BTRC: variants seen among roughly 807,000 people sequenced by gnomAD.
BTRC encodes the protein beta-transducin repeat containing E3 ubiquitin protein ligase.
In BTRC, 42 loss-of-function variants were observed where a neutral mutation model predicts 85.5. The ratio of observed to expected loss-of-function variants is 0.49; its 90% CI spans 0.38 to 0.64. The LOEUF (loss-of-function observed/expected upper bound fraction) is 0.64. Among genes scored for constraint, BTRC ranks in the 30% least tolerant of loss-of-function variants. The probability of loss-of-function intolerance (pLI) is 0.00; values close to 1 mark genes in which losing one functional copy is unlikely to be tolerated. For synonymous variants in BTRC, 255 were observed against 263.3 expected, an observed-to-expected ratio of 0.97 and a Z score of 0.30; for missense variants, 594 against 743.5, an observed-to-expected ratio of 0.80 and a Z score of 2.34.
intron 1 of BTRC, among the ~76,000 whole-genome samples, chr10:101,378,809 G>T (rs1942857596): frequency 6.9e-6 from 1 of 145,006 alleles, no homozygotes; most frequent in South Asian, 2.2e-4. Flanking sequence ...GAACCACTGT[G>T]CCCAGCCCCA....
In BTRC at chr10:101,484,629, T is replaced by G. The variant is rs548031322; in HGVS notation, c.324+5172T>G. Reference sequence around the variant, plus strand: ...CTTCTTTAAGATACTGTTCCACAAGTAGCATGTCATATGGTCCGTTCTTCA... The same window carrying G: ...CTTCTTTAAGATACTGTTCCACAAGGAGCATGTCATATGGTCCGTTCTTCA... On this transcript the variant is annotated intron_variant, in intron 4 of 14. Transcript: ENST00000370187. 8.5e-5 allele frequency among the ~76,000 whole-genome samples: 13 copies of G among 152,312 alleles called. No individual in the cohort carries two copies. The South Asian group carries it at 2.7e-3, about 32-fold the overall frequency.
chr10:101,532,792 G>A (rs908113355), intron 8 of BTRC, among the ~76,000 whole-genome samples, 160 bp from the exon 9 acceptor site: 5 of 76,354 alleles, frequency 6.5e-5, no homozygotes, highest in African/African-American at 9.0e-5. Context: ...GTGTGTGTGC[G>A]CGTGTGCGCG....
At chr10:101,395,276 G>A (rs1017158115) in intron 1 of BTRC, among the ~76,000 whole-genome samples, 9 of 152,138 alleles carry the variant, frequency 5.9e-5, no homozygotes, top group African/African-American at 2.2e-4. Flanking sequence ...TTTAATTTTC[G>A]TGTGAGAGTC....
intron 13 of BTRC, among the ~76,000 whole-genome samples, chr10:101,541,375 T>C (rs2062466059): frequency 6.6e-6 from 1 of 152,012 alleles, no homozygotes; most frequent in Non-Finnish European, 1.5e-5. Flanking sequence ...TTCTCCTGCC[T>C]CAGCTTCCTG....
rs1944660251 is a variant in BTRC at position 101,440,794 on chromosome 10, G to A, written c.156+10342G>A. ...AAATGTGAAAGGCAAGAGCTGTTCT[G>A]CATCAGTCTAGTGAAATGCACTGGA... On this transcript the variant is annotated intron_variant, in intron 2 of 14. Coordinates refer to ENST00000370187, the MANE Select transcript of BTRC (RefSeq NM_033637.4). 2.0e-5 allele frequency among the ~76,000 whole-genome samples: 3 copies of A among 152,134 alleles called. No individual in the cohort carries two copies. The South Asian group carries it at 6.2e-4, about 32-fold the overall frequency.
chr10:101,527,684 G>A (rs1318371377), intron 6 of BTRC, among the ~76,000 whole-genome samples: 1 of 151,972 alleles, frequency 6.6e-6, no homozygotes, highest in Non-Finnish European at 1.5e-5. Context: ...AGTCTGGGAA[G>A]TTGAGGCTGC....
chr10:101,361,760 C>G (rs1159113870), intron 1 of BTRC, among the ~76,000 whole-genome samples: 1 of 152,160 alleles, frequency 6.6e-6, no homozygotes, highest in Non-Finnish European at 1.5e-5. Flanking sequence ...GTACAGAAGA[C>G]TCAGAGATAA....
upstream of BTRC, chr10:101,354,098 C>T (rs937072795): frequency 4.8e-6 from 7 of 1,473,036 alleles, no homozygotes; most frequent in South Asian, 1.2e-5. Context: ...GAAGAGGAGG[C>T]GGGATCCGGG....
intron 13 of BTRC, among the ~76,000 whole-genome samples, chr10:101,549,713 CAA>C (rs755481178): frequency 0.011 from 459 of 42,728 alleles, 2 homozygotes; most frequent in South Asian, 0.018. Flanking sequence ...GACTCTGTCT[CAA>C]AAAAAAAAAA....
At chr10:101,436,625 AATAGATAGATAGATAG>A (rs113369211) in intron 2 of BTRC, among the ~76,000 whole-genome samples, 21,738 of 147,016 alleles carry the variant, frequency 0.15, 1,979 homozygotes, top group Middle Eastern at 0.26. Context: ...AATTAAAAAA[AATAGATAGATAGATAG>A]ATAGATAGAT....
chr10:101,368,464 CTTTTTTTTTTTTTTTTT>C (rs60190021), intron 1 of BTRC, among the ~76,000 whole-genome samples: 3 of 75,344 alleles, frequency 4.0e-5, no homozygotes, highest in African/African-American at 1.3e-4. Flanking sequence ...AACTGTTTTT[CTTTTTTTTTTTTTTTTT>C]TTTTTTTTTT....
At chr10:101,546,212 CCA>C (rs2062555842) in intron 13 of BTRC, among the ~76,000 whole-genome samples, 1 of 152,134 alleles carries the variant, frequency 6.6e-6, no homozygotes, top group African/African-American at 2.4e-5. Flanking sequence ...CCAAGGCAGA[CCA>C]CAGTCAGGGC....
intron 4 of BTRC, among the ~76,000 whole-genome samples, chr10:101,491,576 A>G (rs1946134493): frequency 6.6e-6 from 1 of 152,056 alleles, no homozygotes; most frequent in African/African-American, 2.4e-5. Context: ...AGGCGCCTAT[A>G]AGCCCAGCTG....
chr10:101,505,480 C>T (rs1487333596), intron 4 of BTRC, among the ~76,000 whole-genome samples: 1 of 151,518 alleles, frequency 6.6e-6, no homozygotes, highest in African/African-American at 2.4e-5. Flanking sequence ...ATTAGCCGGG[C>T]GTGGTGGCAG....
chr10:101,509,043 C>T (rs918965810), intron 4 of BTRC, among the ~76,000 whole-genome samples: 2 of 151,394 alleles, frequency 1.3e-5, no homozygotes, highest in African/African-American at 2.4e-5. Flanking sequence ...TTGAAATCTC[C>T]TTGTAAAAGG....
chr10:101,438,681 G>C (rs1395757026), intron 2 of BTRC, among the ~76,000 whole-genome samples: 1 of 151,986 alleles, frequency 6.6e-6, no homozygotes, highest in Non-Finnish European at 1.5e-5. Flanking sequence ...TACTTGTTTT[G>C]TTACTGGTAA....
intron 1 of BTRC, among the ~76,000 whole-genome samples, chr10:101,393,923 A>G (rs1341313677): frequency 6.6e-6 from 1 of 152,188 alleles, no homozygotes; most frequent in African/African-American, 2.4e-5. Flanking sequence ...TGAGAAAACT[A>G]ATCTTTCAAA....
At chr10:101,525,822 G>C (rs749050770) in intron 5 of BTRC, among the ~76,000 whole-genome samples, 191 bp from the exon 6 acceptor site, 11 of 152,172 alleles carry the variant, frequency 7.2e-5, no homozygotes, top group African/African-American at 7.2e-5. Flanking sequence ...GTTCATTTCT[G>C]TAACCTTATG....
At chr10:101,438,651 T>G (rs1944601144) in intron 2 of BTRC, among the ~76,000 whole-genome samples, 1 of 152,120 alleles carries the variant, frequency 6.6e-6, no homozygotes, top group African/African-American at 2.4e-5. Context: ...ACCCTTTATA[T>G]GAGCCATTGT....
Sources: allele counts gnomAD v4.1 joint callset (sites outside exome capture counted in the v4.1 genomes callset), GRCh38; gene constraint gnomAD v4.1.1; transcripts MANE v1.5; gene names NCBI Gene and HGNC (gene_info 2026-07-23, HGNC 2026-07-21).